Variants in BCR observed in about 807,000 individuals in gnomAD.
BCR encodes breakpoint cluster region protein.
Under a neutral mutation model 138.6 loss-of-function variants are expected in BCR, and 58 were observed. The ratio of observed to expected loss-of-function variants is 0.42; its 90% CI spans 0.34 to 0.52. The LOEUF (loss-of-function observed/expected upper bound fraction) is 0.52, where lower values mean the gene tolerates loss of function less well. Ranked by LOEUF, BCR falls within the 20% of genes least tolerant of loss-of-function variation. The pLI, the probability that BCR is intolerant of heterozygous loss-of-function variation, is 0.06. For synonymous variants in BCR, 786 were observed against 730.1 expected, an observed-to-expected ratio of 1.08 and a Z score of -1.23; for missense variants, 1,599 against 1,727.2, an observed-to-expected ratio of 0.93 and a Z score of 1.32.
intron 9 of BCR, 113 bp from the exon 10 acceptor site, chr22:23,284,920 G>A (rs1448081724): frequency 8.2e-7 from 1 of 1,223,086 alleles, no homozygotes. Flanking sequence ...TGGGTTTTAG[G>A]TCAGGTAAAC....
intron 1 of BCR, among the ~76,000 whole-genome samples, chr22:23,186,886 C>T (rs1014104965): frequency 4.6e-5 from 7 of 152,186 alleles, no homozygotes; most frequent in Non-Finnish European, 1.0e-4. Context: ...CAGGTGTGCA[C>T]CACCACACCC....
intron 9 of BCR, among the ~76,000 whole-genome samples, chr22:23,284,450 C>T (rs539566742): frequency 4.1e-4 from 62 of 152,106 alleles, no homozygotes; most frequent in South Asian, 3.1e-3. Flanking sequence ...GGTGGCTTTC[C>T]GAGTTATCCT....
intron 1 of BCR, among the ~76,000 whole-genome samples, chr22:23,202,198 C>CT (rs1403172110): frequency 2.0e-5 from 3 of 152,058 alleles, no homozygotes; most frequent in Non-Finnish European, 2.9e-5. Context: ...ACTTCTCTCT[C>CT]TTTTTTTAAA....
chr22:23,269,654 A>C (rs1316073450), intron 5 of BCR, among the ~76,000 whole-genome samples: 2 of 152,136 alleles, frequency 1.3e-5, no homozygotes, highest in Non-Finnish European at 2.9e-5. Flanking sequence ...CAGGCTCTGC[A>C]TGTATCCGGG....
At chr22:23,247,459 C>G (rs947338956) in intron 1 of BCR, among the ~76,000 whole-genome samples, 1 of 152,144 alleles carries the variant, frequency 6.6e-6, no homozygotes, top group Non-Finnish European at 1.5e-5. Flanking sequence ...ACATGTTGAT[C>G]GGAGGGCCCT....
At chr22:23,230,818 C>T (rs559012010) in intron 1 of BCR, among the ~76,000 whole-genome samples, 5 of 152,304 alleles carry the variant, frequency 3.3e-5, no homozygotes, top group African/African-American at 1.2e-4. Context: ...CCTCACTTGC[C>T]ACCAGCCTGC....
intron 16 of BCR, 66 bp downstream of exon 16, chr22:23,295,221 G>T: frequency 1.7e-6 from 2 of 1,207,264 alleles, no homozygotes; most frequent in East Asian, 4.5e-5. Flanking sequence ...AGCCCCTGGG[G>T]ACACTGAGAT....
chr22:23,218,948 G>T (rs986305796), intron 1 of BCR, among the ~76,000 whole-genome samples: 3 of 152,228 alleles, frequency 2.0e-5, no homozygotes, highest in African/African-American at 7.2e-5. Context: ...GGGAGGAAGC[G>T]GTGTTTACAG....
Position 23,317,292 on chromosome 22 carries a change from T to A in BCR, c.*1770T>A, listed in dbSNP as rs866394545. ...CAGTGTGGATTTAGTTGTGCTTTTTTCTTGCTGGGAGAGCACAGCCACCAT... is the reference window on the plus strand; with the variant it reads ...CAGTGTGGATTTAGTTGTGCTTTTTACTTGCTGGGAGAGCACAGCCACCAT... On this transcript the variant is annotated 3_prime_UTR_variant, in exon 23 of 23. Coordinates refer to ENST00000305877, the MANE Select transcript of BCR (RefSeq NM_004327.4). 37 of 175,598 alleles carry A rather than the reference T, an allele frequency of 2.1e-4. No individual in the cohort carries two copies. In the South Asian group the frequency reaches 2.6e-3, roughly 13 times the overall value. The allele number at this position is 175,598 out of a possible 1,614,324, so 10.9% of individuals were successfully genotyped here. A position where few individuals can be genotyped will look rare whatever the true frequency, so the allele number is the denominator to read the frequency against.
In BCR at chr22:23,295,117, G is replaced by A. The variant is rs1001699390; in HGVS notation, c.2974G>A (p.Glu992Lys). The A allele has an allele frequency of 6.8e-6, 11 of 1,614,006 alleles. No individual in the cohort carries two copies. The highest frequency in any genetic ancestry group is 1.3e-5 in the African/African-American group (1 of 74,912). ...GACGAAGATCCCCAAGGAGGACGGC[G>A]AGAGCACGGACAGACTCATGGGGAA... ...NKTKIPKEDG[E>K]STDRLMGKGQ... Residue 992 changes from glutamate (E) to lysine (K), a missense_variant, in exon 16 of 23, where the codon GAG becomes AAG. Glu to Lys is a moderately conservative substitution (Grantham distance 56, BLOSUM62 1). This residue lies in a region of BCR where 590 missense variants were observed against 762.4 expected (regional missense o/e 0.77). Transcript: ENST00000305877.
chr22:23,228,899 C>T (rs2072922213), intron 1 of BCR, among the ~76,000 whole-genome samples: 1 of 152,126 alleles, frequency 6.6e-6, no homozygotes, highest in Non-Finnish European at 1.5e-5. Flanking sequence ...TTATGTTCTT[C>T]CCCTAATTTG....
chr22:23,302,622 CCT>C (rs1267607931), intron 16 of BCR: 2 of 152,342 alleles, frequency 1.3e-5, no homozygotes. Flanking sequence ...TCATGCACAT[CCT>C]CTCTCAGGTA....
At chr22:23,266,976 C>T (rs941512329) in intron 4 of BCR, among the ~76,000 whole-genome samples, 1 of 152,138 alleles carries the variant, frequency 6.6e-6, no homozygotes, top group Non-Finnish European at 1.5e-5. Flanking sequence ...TTCTGAGAGG[C>T]TGTCCTGGTC....
chr22:23,310,276 A>G (rs201656730), intron 17 of BCR, 48 bp from the exon 18 acceptor site: 20,324 of 973,700 alleles, frequency 0.021, 438 homozygotes, highest in African/African-American at 0.067. Context: ...ACCTTGGGCT[A>G]TGAGGACCAG....
intron 1 of BCR, among the ~76,000 whole-genome samples, chr22:23,217,657 C>T (rs929970167): frequency 6.6e-6 from 1 of 152,206 alleles, no homozygotes; most frequent in East Asian, 1.9e-4. Flanking sequence ...AATTGTCAAT[C>T]CTTCAGGCTC....
chr22:23,215,217 T>A (rs897333925), intron 1 of BCR, among the ~76,000 whole-genome samples: 1 of 152,284 alleles, frequency 6.6e-6, no homozygotes, highest in Non-Finnish European at 1.5e-5. Flanking sequence ...CACCGCATTT[T>A]GCTTATGCAT....
chr22:23,253,685 T>C, intron 1 of BCR, 114 bp from the exon 2 acceptor site: 5 of 1,289,348 alleles, frequency 3.9e-6, no homozygotes, highest in Non-Finnish European at 5.4e-6. Flanking sequence ...CCGAGGTCGT[T>C]GTGAGATGCC....
chr22:23,223,004 C>T (rs968902767), intron 1 of BCR, among the ~76,000 whole-genome samples: 1 of 152,160 alleles, frequency 6.6e-6, no homozygotes, highest in Non-Finnish European at 1.5e-5. Context: ...CATCTTCCTG[C>T]TGTTTTTCAT....
intron 1 of BCR, among the ~76,000 whole-genome samples, chr22:23,238,223 G>T (rs2073047503): frequency 6.6e-6 from 1 of 152,080 alleles, no homozygotes; most frequent in African/African-American, 2.4e-5. Context: ...TGGAGGTAGG[G>T]TGGGGGAAGC....
Sources: gnomAD v4.1 joint callset for allele counts (sites outside exome capture counted in the v4.1 genomes callset) on GRCh38, gnomAD v4.1.1 for gene constraint, gnomAD v4.1.1 regional missense constraint, MANE v1.5 for transcripts, NCBI Gene and HGNC (gene_info 2026-07-23, HGNC 2026-07-21) for gene names.